Variants in GRIA1 observed in about 807,000 individuals in gnomAD.
The protein encoded by GRIA1 is glutamate receptor 1.
A neutral mutation model predicts 99.2 loss-of-function variants in GRIA1; 31 were observed. The ratio of observed to expected loss-of-function variants is 0.31; its 90% confidence interval spans 0.23 to 0.42. GRIA1 has a LOEUF of 0.42. Among genes scored for constraint, GRIA1 ranks in the 10% least tolerant of loss-of-function variants. GRIA1 has a pLI of 1.00. For missense variants in GRIA1, 782 were observed against 1,157.5 expected, an observed-to-expected ratio of 0.68 and a Z score of 4.71; for synonymous variants, 438 against 432.4, an observed-to-expected ratio of 1.01 and a Z score of -0.16.
chr5:153,518,130 T>C (rs1223946698), intron 2 of GRIA1, among the ~76,000 whole-genome samples: 1 of 152,166 alleles, frequency 6.6e-6, no homozygotes, highest in African/African-American at 2.4e-5. Flanking sequence ...TCTCAGAGAG[T>C]GTTCCCTGAA....
At position 153,770,708 on chromosome 5, in the gene GRIA1, G is replaced by A. The variant is rs116853401; in HGVS notation, c.2270+293G>A. 1.1e-4 allele frequency among the ~76,000 whole-genome samples: 16 copies of A among 152,204 alleles called. No individual in the cohort carries two copies. The East Asian group carries it at 1.9e-3, about 18-fold the overall frequency. ...CATCAATGAACCTTGTGCTTTTGTC[G>A]TGTGATCTGTAACACCCCATCCTTT... On this transcript the variant is annotated intron_variant, in intron 13 of 15. Transcript: ENST00000285900.
intron 5 of GRIA1, among the ~76,000 whole-genome samples, chr5:153,665,087 G>A (rs894216891): frequency 6.6e-6 from 1 of 152,216 alleles, no homozygotes; most frequent in African/African-American, 2.4e-5. Context: ...AGTTGGGGCA[G>A]AGTAAAGATG....
intron 2 of GRIA1, among the ~76,000 whole-genome samples, chr5:153,594,959 T>G (rs2149390334): frequency 6.6e-6 from 1 of 152,186 alleles, no homozygotes; most frequent in East Asian, 1.9e-4. Flanking sequence ...ATCTGTGGTT[T>G]TATGGCTTTC....
chr5:153,699,547 C>T (rs559814932), intron 10 of GRIA1, among the ~76,000 whole-genome samples: 1 of 152,328 alleles, frequency 6.6e-6, no homozygotes, highest in South Asian at 2.1e-4. Flanking sequence ...CCCTTCCACT[C>T]TCCACCCCTA....
intron 2 of GRIA1, among the ~76,000 whole-genome samples, chr5:153,554,488 T>A (rs1470848151): frequency 1.3e-5 from 2 of 152,062 alleles, no homozygotes; most frequent in Non-Finnish European, 2.9e-5. Context: ...TTTTTTGTTG[T>A]TGTTGCTGCT....
intron 5 of GRIA1, among the ~76,000 whole-genome samples, chr5:153,665,583 A>G (rs1318967460): frequency 1.3e-5 from 2 of 152,214 alleles, no homozygotes; most frequent in Admixed American, 6.5e-5. Context: ...TGAGGACACA[A>G]TTAAGTCTTC....
At chr5:153,591,214 T>A (rs1763946098) in intron 2 of GRIA1, among the ~76,000 whole-genome samples, 1 of 152,248 alleles carries the variant, frequency 6.6e-6, no homozygotes, top group African/African-American at 2.4e-5. Context: ...CCTAATTTTA[T>A]ACCAGGAATT....
Position 153,764,611 on chromosome 5 carries a change from A to T in GRIA1, c.2001A>T (p.Gly667=), listed in dbSNP as rs777340628. ...TTGCCTACGGGACGCTGGAAGCAGGATCTACTAAGGAGTTCTTCAGGGTAG... is the reference window on the plus strand; with the variant it reads ...TTGCCTACGGGACGCTGGAAGCAGGTTCTACTAAGGAGTTCTTCAGGGTAG... The part of the protein sequence containing the change: ...TEIAYGTLEA[G]STKEFFRRSK... The change falls in exon 12 of 16, where the codon GGA becomes GGT. Residue 667 remains glycine (G), a synonymous_variant. Coordinates refer to ENST00000285900, the MANE Select transcript of GRIA1 (RefSeq NM_000827.4). 9 of 1,613,670 alleles carry T rather than the reference A, an allele frequency of 5.6e-6. No homozygotes were observed. Among genetic ancestry groups the T allele is most frequent in the Non-Finnish European group, 6.8e-6 (8 of 1,179,602 alleles).
At chr5:153,541,740 G>C (rs1759114032) in intron 2 of GRIA1, among the ~76,000 whole-genome samples, 1 of 151,866 alleles carries the variant, frequency 6.6e-6, no homozygotes, top group African/African-American at 2.4e-5. Context: ...GACCATCCTG[G>C]CCAACATAGT....
At chr5:153,769,346 T>C (rs1763727121) in intron 12 of GRIA1, among the ~76,000 whole-genome samples, 2 of 152,166 alleles carry the variant, frequency 1.3e-5, no homozygotes, top group Non-Finnish European at 2.9e-5. Flanking sequence ...ACAATCGATG[T>C]ACATGATAAT....
chr5:153,799,699 T>A (rs1025148257), intron 14 of GRIA1, among the ~76,000 whole-genome samples: 7 of 152,208 alleles, frequency 4.6e-5, no homozygotes, highest in African/African-American at 1.7e-4. Flanking sequence ...TTGTGCATCC[T>A]TCAAAAGGTG....
At chr5:153,723,708 C>G (rs1230901284) in intron 11 of GRIA1, among the ~76,000 whole-genome samples, 3 of 151,846 alleles carry the variant, frequency 2.0e-5, no homozygotes, top group Non-Finnish European at 2.9e-5. Flanking sequence ...CCCGCCATTG[C>G]CCAGGCTTGC....
intron 4 of GRIA1, among the ~76,000 whole-genome samples, chr5:153,654,758 T>A (rs1024601387): frequency 2.3e-4 from 35 of 152,194 alleles, no homozygotes; most frequent in African/African-American, 8.4e-4. Context: ...ATCTGTTATA[T>A]GTCTCCTTGC....
intron 8 of GRIA1, among the ~76,000 whole-genome samples, chr5:153,691,248 G>GTC (rs929700048): frequency 6.6e-6 from 1 of 152,188 alleles, no homozygotes; most frequent in African/African-American, 2.4e-5. Flanking sequence ...CTGATTTAGG[G>GTC]TCTCTCTCTG....
chr5:153,626,093 T>C (rs149941026), intron 2 of GRIA1, among the ~76,000 whole-genome samples: 2 of 152,328 alleles, frequency 1.3e-5, no homozygotes, highest in African/African-American at 4.8e-5. Flanking sequence ...TTTCAGCCTC[T>C]GACCTTCACG....
intron 6 of GRIA1, among the ~76,000 whole-genome samples, chr5:153,675,094 G>C (rs913245065): frequency 6.6e-6 from 1 of 152,206 alleles, no homozygotes; most frequent in Admixed American, 6.5e-5. Context: ...ATGAAGAACT[G>C]TTTTCAGAAG....
chr5:153,541,785 C>T (rs1258580537), intron 2 of GRIA1, among the ~76,000 whole-genome samples: 1 of 152,050 alleles, frequency 6.6e-6, no homozygotes, highest in African/African-American at 2.4e-5. Flanking sequence ...CAAAAATTAG[C>T]TGGACATGGT....
At chr5:153,492,128 G>A (rs553452899) in intron 1 of GRIA1, 7 of 1,415,388 alleles carry the variant, frequency 4.9e-6, no homozygotes, top group Admixed American at 4.6e-5. Context: ...CGCATTGCTG[G>A]GAGTTTGTGC....
intron 13 of GRIA1, among the ~76,000 whole-genome samples, chr5:153,776,354 C>T (rs530957654): frequency 1.3e-5 from 2 of 152,234 alleles, no homozygotes; most frequent in Non-Finnish European, 1.5e-5. Context: ...CTGCCTAAGG[C>T]TTGACTGGGT....
Sources: allele counts gnomAD v4.1 joint callset (sites outside exome capture counted in the v4.1 genomes callset), GRCh38; gene constraint gnomAD v4.1.1; transcripts MANE v1.5; gene names NCBI Gene and HGNC (gene_info 2026-07-23, HGNC 2026-07-21).